CYTH4: variants seen among roughly 807,000 people sequenced by gnomAD.
CYTH4 encodes cytohesin-4.
A neutral mutation model predicts 57.5 loss-of-function variants in CYTH4; 22 were observed. The ratio of observed to expected loss-of-function variants is 0.38; its 90% CI spans 0.27 to 0.55. The LOEUF is 0.55. Ranked by LOEUF, CYTH4 falls within the 20% of genes least tolerant of loss-of-function variation. CYTH4 has a pLI of 0.74. For missense variants in CYTH4, 420 were observed against 535.6 expected (o/e 0.78, Z 2.13); for synonymous variants, 186 against 206.5 (o/e 0.90, Z 0.85).
At position 37,311,868 on chromosome 22, in the gene CYTH4, T is replaced by TGC; in HGVS notation, c.958-151_958-150dup. The TGC allele has an allele frequency of 1.1e-6, 1 of 952,088 alleles. No individual in the cohort carries two copies. Among genetic ancestry groups the TGC allele is most frequent in the Non-Finnish European group, 1.5e-6 (1 of 649,894 alleles). The allele number at this position is 952,088 out of a possible 1,614,324, so 59.0% of individuals were successfully genotyped here. ...ATTCAGGAGCCTGCCACAGAGAGAG[T>TGC]GCTCAGTGTGGGAGCAGCAGCTCCT... is the stretch of plus-strand genomic sequence containing the variant. On this transcript the variant is annotated intron_variant, in intron 11 of 12. Transcript: ENST00000248901. The surrounding 1 kb of genome is among the most constrained non-coding windows in gnomAD (Gnocchi z 4.4).
chr22:37,291,678 C>T (rs1256759360), intron 1 of CYTH4, among the ~76,000 whole-genome samples: 1 of 152,050 alleles, frequency 6.6e-6, no homozygotes, highest in African/African-American at 2.4e-5. Context: ...TGTGGAGGCC[C>T]CAGGCCCAGG....
At chr22:37,303,495 A>G in intron 8 of CYTH4, 93 bp downstream of exon 8, 1 of 1,464,222 alleles carries the variant, frequency 6.8e-7, no homozygotes, top group East Asian at 2.5e-5. Flanking sequence ...CCTCTGAGAT[A>G]GACAGCCCCC....
At position 37,311,964 on chromosome 22, in the gene CYTH4, G is replaced by A. The variant is rs1285054350; in HGVS notation, c.958-56G>A. 10 of 1,589,410 alleles carry A rather than the reference G, an allele frequency of 6.3e-6. No homozygotes were observed. The highest frequency in any genetic ancestry group is 3.4e-5 in the South Asian group (3 of 88,438). Reference sequence around the variant, plus strand: ...GCGTCTGGGCTTCTCTGAGCCTCCTGGAGGGCCCACCCAGCCTCCCTCTCT... The same window carrying A: ...GCGTCTGGGCTTCTCTGAGCCTCCTAGAGGGCCCACCCAGCCTCCCTCTCT... On this transcript the variant is annotated intron_variant, in intron 11 of 12. Transcript: ENST00000248901. The surrounding 1 kb of genome is among the most constrained non-coding windows in gnomAD (Gnocchi z 4.4).
In CYTH4 at chr22:37,314,251, G is replaced by T. The variant is rs41280021; in HGVS notation, c.*740G>T. On this transcript the variant is annotated 3_prime_UTR_variant, in exon 13 of 13. Coordinates refer to ENST00000248901, the MANE Select transcript of CYTH4 (RefSeq NM_013385.5). ...CAGCTTCCAGCTGGAGATGGCAGCCGTTGTTTGCGGAGCCCAGGCTGACTC... is the reference window on the plus strand; with the variant it reads ...CAGCTTCCAGCTGGAGATGGCAGCCTTTGTTTGCGGAGCCCAGGCTGACTC... 7 of 398,206 alleles carry T rather than the reference G, an allele frequency of 1.8e-5. No individual in the cohort carries two copies. The highest frequency in any genetic ancestry group is 3.1e-5 in the Non-Finnish European group (7 of 225,902). The allele number at this position is 398,206 out of a possible 1,614,324, so 24.7% of individuals were successfully genotyped here.
rs1342049615 is a variant in CYTH4 at position 37,311,660 on chromosome 22, G to C, written c.957+133G>C. 1 of 907,662 alleles carries C rather than the reference G, an allele frequency of 1.1e-6. No homozygotes were observed. Among genetic ancestry groups the C allele is most frequent in the Admixed American group, 2.2e-5 (1 of 45,242 alleles). 56.2% of individuals were successfully genotyped at this position (907,662 alleles called of 1,614,324 possible). A position where few individuals can be genotyped will look rare whatever the true frequency, so the allele number is the denominator to read the frequency against. On this transcript the variant is annotated intron_variant, in intron 11 of 12. Transcript: ENST00000248901. This position sits in a 1 kb window ranked among gnomAD's most constrained non-coding sequence, Gnocchi z 4.4. ...CCCCTTACACCTTCCCTGTGGCTCA[G>C]GGCTGCCTTCTCTCCCTCCTGGGGC...
chr22:37,288,501 G>A (rs968654842), intron 1 of CYTH4, among the ~76,000 whole-genome samples: 7 of 151,678 alleles, frequency 4.6e-5, no homozygotes, highest in African/African-American at 7.3e-5. Flanking sequence ...CAGGAGAATC[G>A]CTTGAACCTG....
intron 8 of CYTH4, among the ~76,000 whole-genome samples, chr22:37,308,958 C>T (rs1929530794): frequency 2.0e-5 from 3 of 151,990 alleles, no homozygotes; most frequent in Non-Finnish European, 4.4e-5. Flanking sequence ...CTCTGCCCTG[C>T]AGTAGCACAG....
intron 9 of CYTH4, 56 bp downstream of exon 9, chr22:37,309,379 A>C (rs1929552833): frequency 6.8e-7 from 1 of 1,474,432 alleles, no homozygotes; most frequent in African/African-American, 1.4e-5. Context: ...GCGCGGGCAC[A>C]CATCGTTGCA....
intron 1 of CYTH4, among the ~76,000 whole-genome samples, chr22:37,288,320 G>C (rs1013136601): frequency 6.6e-6 from 1 of 152,202 alleles, no homozygotes; most frequent in Non-Finnish European, 1.5e-5. Context: ...GCTGAGACAG[G>C]AGAGTCCCTT....
chr22:37,303,050 GA>G, intron 7 of CYTH4, among the ~76,000 whole-genome samples: 1 of 152,104 alleles, frequency 6.6e-6, no homozygotes, highest in Non-Finnish European at 1.5e-5. Flanking sequence ...AAGGGGCTCA[GA>G]AAAAGAGGCT....
intron 2 of CYTH4, among the ~76,000 whole-genome samples, chr22:37,294,221 A>AGGCAGGGTGGAGGTG (rs1257709276): frequency 4.2e-5 from 2 of 47,764 alleles, no homozygotes; most frequent in African/African-American, 8.4e-5. Context: ...CGGGGGGTGC[A>AGGCAGGGTGGAGGTG]GGCAGGGTGG....
Position 37,295,915 on chromosome 22 carries a change from C to G in CYTH4, c.168-84C>G. ...GGAGGGCCCTAGAGGGGTATGGGCT[C>G]CTGCTGAGGCAAGGGTCCTTGGGGA... is the stretch of plus-strand genomic sequence containing the variant. On this transcript the variant is annotated intron_variant, in intron 3 of 12. Transcript: ENST00000248901. The surrounding 1 kb of genome is among the most constrained non-coding windows in gnomAD (Gnocchi z 4.1). The G allele has an allele frequency of 2.1e-6, 3 of 1,446,630 alleles. No homozygotes were observed. The Admixed American group carries it at 5.8e-5, about 28-fold the overall frequency. The allele number at this position is 1,446,630 out of a possible 1,614,324, so 89.6% of individuals were successfully genotyped here.
At chr22:37,302,957 GAGA>G (rs56257798) in intron 7 of CYTH4, among the ~76,000 whole-genome samples, 75,442 of 151,648 alleles carry the variant, frequency 0.5, 20,872 homozygotes, top group South Asian at 0.78. Flanking sequence ...GTGGCTGAGC[GAGA>G]AGGAGGATTG....
intron 8 of CYTH4, among the ~76,000 whole-genome samples, chr22:37,307,756 C>T (rs913040206): frequency 2.0e-5 from 3 of 152,240 alleles, no homozygotes; most frequent in African/African-American, 4.8e-5. Context: ...GATAACACTG[C>T]GCTTGCTTTG....
intron 8 of CYTH4, among the ~76,000 whole-genome samples, chr22:37,308,438 ATG>A (rs1400299164): frequency 2.6e-5 from 4 of 151,208 alleles, no homozygotes; most frequent in East Asian, 1.9e-4. Flanking sequence ...GCAAGCGTGC[ATG>A]TGTGTGAGTG....
intron 1 of CYTH4, among the ~76,000 whole-genome samples, chr22:37,286,803 AGGACT>A (rs2145853655): frequency 6.6e-6 from 1 of 152,290 alleles, no homozygotes; most frequent in South Asian, 2.1e-4. Flanking sequence ...ATACACCAGC[AGGACT>A]GGTGAGATTT....
chr22:37,297,420 G>A (rs1929015409), intron 4 of CYTH4, 144 bp from the exon 5 acceptor site: 7 of 607,652 alleles, frequency 1.2e-5, no homozygotes, highest in African/African-American at 3.7e-5. Context: ...TATGAAAGAG[G>A]GGTCAAAACT....
chr22:37,312,646 G>C (rs1330885477), intron 12 of CYTH4, among the ~76,000 whole-genome samples: 1 of 152,234 alleles, frequency 6.6e-6, no homozygotes, highest in East Asian at 1.9e-4. Context: ...AGCTGAAACT[G>C]CTGAGCATGA....
rs1396637656 is a variant in CYTH4, at chr22:37,309,976, C to T, written c.808+653C>T. The T allele has an allele frequency of 1.9e-5, 9 of 468,570 alleles. No homozygotes were observed. In the Admixed American group the frequency reaches 2.1e-4, roughly 11 times the overall value. The allele number at this position is 468,570 out of a possible 1,614,324, so 29.0% of individuals were successfully genotyped here. A position where few individuals can be genotyped will look rare whatever the true frequency, so the allele number is the denominator to read the frequency against. On this transcript the variant is annotated intron_variant, in intron 9 of 12. Coordinates refer to ENST00000248901, the MANE Select transcript of CYTH4 (RefSeq NM_013385.5). The stretch of plus-strand genomic sequence containing the variant: ...CGTCTGCCCCTGCCTCCCACACACA[C>T]TTCCGGAAGCCTCTCCAGCAGGGAC...
Sources: gnomAD v4.1 joint callset for allele counts (sites outside exome capture counted in the v4.1 genomes callset) on GRCh38, gnomAD v4.1.1 for gene constraint, Gnocchi (gnomAD v3.1) non-coding constraint, MANE v1.5 for transcripts, NCBI Gene and HGNC (gene_info 2026-07-23, HGNC 2026-07-21) for gene names.